Variants in TCERG1L observed in about 807,000 individuals in gnomAD.
The protein encoded by TCERG1L is transcription elongation regulator 1 like.
Under a neutral mutation model 56.3 loss-of-function variants are expected in TCERG1L, and 37 were observed. The ratio of observed to expected loss-of-function variants is 0.66; its 90% CI spans 0.51 to 0.87. The LOEUF (loss-of-function observed/expected upper bound fraction) is 0.87, where lower values mean the gene tolerates loss of function less well. TCERG1L is among the 40% of genes least tolerant of loss of function. TCERG1L has a pLI of 0.00. For missense variants in TCERG1L, 799 were observed against 774.2 expected (o/e 1.03, Z -0.38); for synonymous variants, 324 against 326.3 (o/e 0.99, Z 0.08).
rs756230007 is a variant in TCERG1L, at chr10:131,093,180, C to G, written c.1743G>C (p.Arg581Ser). ...LKKRDKENRL[R>S]LRKMR Reference sequence around the variant, plus strand: ...CACAAACTCATCTCATTTTCCGCAGCCTTAGTCTGTTTTCCTTGTCCCGTT... The same window carrying G: ...CACAAACTCATCTCATTTTCCGCAGGCTTAGTCTGTTTTCCTTGTCCCGTT... The change falls in exon 12 of 12, where the codon AGG (arginine) becomes AGC (serine). Residue 581 changes from arginine (R) to serine (S), a missense_variant. Transcript: ENST00000368642. 2.5e-6 allele frequency: 4 copies of G among 1,613,716 alleles called. No homozygotes were observed. Among genetic ancestry groups the G allele is most frequent in the Middle Eastern group, 1.6e-4 (1 of 6,062 alleles).
chr10:131,247,686 CTCTG>C (rs140074268), intron 4 of TCERG1L, among the ~76,000 whole-genome samples: 1,793 of 152,288 alleles, frequency 0.012, 36 homozygotes, highest in African/African-American at 0.037. Flanking sequence ...ACTTTCCCTT[CTCTG>C]TCCCCATCAT....
rs779565516 is a variant in TCERG1L at position 131,212,744 on chromosome 10, T to C, written c.857-45859A>G. Among the ~76,000 whole-genome samples the C allele has an allele frequency of 2.6e-5, 4 of 152,230 alleles. No individual in the cohort carries two copies. The South Asian group carries it at 8.3e-4, about 32-fold the overall frequency. ...GTGGCTAATAAAACAAAGAATTAAC[T>C]TGTGAATGCTAATAAGCAACCACAG... On this transcript the variant is annotated intron_variant, in intron 4 of 11. Transcript: ENST00000368642.
chr10:131,140,641 G>T (rs1441235335), intron 7 of TCERG1L, among the ~76,000 whole-genome samples: 1 of 152,214 alleles, frequency 6.6e-6, no homozygotes, highest in Non-Finnish European at 1.5e-5. Flanking sequence ...ACAGTGGGGG[G>T]TCCTCCTGCA....
chr10:131,095,236 C>CGT (rs1845231619), intron 11 of TCERG1L: 1 of 145,894 alleles, frequency 6.9e-6, no homozygotes, highest in Non-Finnish European at 1.5e-5. Context: ...CACCGGACGG[C>CGT]CAACCCCACC....
At position 131,311,654 on chromosome 10, in the gene TCERG1L, C is replaced by CGGCGGCGGCGGG. The variant is rs1846903182; in HGVS notation, c.-31_-20dup. On this transcript the variant is annotated 5_prime_UTR_variant, in exon 1 of 12. Transcript: ENST00000368642. The surrounding 1 kb of genome is among the most constrained non-coding windows in gnomAD (Gnocchi z 4.0). ...CCTGCATCCTACATCCCCGCGCTGACGGCGGCGGCGGGGGCGGCGGGCGCC... is the reference window on the plus strand; with the variant it reads ...CCTGCATCCTACATCCCCGCGCTGACGGCGGCGGCGGGGGCGGCGGCGGGGGCGGCGGGCGCC... 9.1e-7 allele frequency: 1 copy of CGGCGGCGGCGGG among 1,100,702 alleles called. No homozygotes were observed. The highest frequency in any genetic ancestry group is 1.1e-6 in the Non-Finnish European group (1 of 902,618). 68.2% of individuals were successfully genotyped at this position (1,100,702 alleles called of 1,614,324 possible).
At chr10:131,109,768 G>T (rs1018697518) in intron 9 of TCERG1L, among the ~76,000 whole-genome samples, 2 of 152,112 alleles carry the variant, frequency 1.3e-5, no homozygotes, top group African/African-American at 4.8e-5. Context: ...CCCTGGGCAC[G>T]CCGGCTGGAG....
chr10:131,229,638 G>A (rs755768846), intron 4 of TCERG1L, among the ~76,000 whole-genome samples: 1 of 151,902 alleles, frequency 6.6e-6, no homozygotes, highest in African/African-American at 2.4e-5. Context: ...AATAGCCCAA[G>A]ACACATAGAG....
intron 3 of TCERG1L, among the ~76,000 whole-genome samples, chr10:131,291,942 T>C (rs1363461539): frequency 2.6e-5 from 4 of 152,236 alleles, no homozygotes; most frequent in Non-Finnish European, 5.9e-5. Context: ...AATTACAGCA[T>C]CTAAATAACT....
At chr10:131,216,643 A>C (rs779100560) in intron 4 of TCERG1L, among the ~76,000 whole-genome samples, 6 of 152,196 alleles carry the variant, frequency 3.9e-5, no homozygotes, top group Admixed American at 6.5e-5. Context: ...ACAGAATTGG[A>C]GAGGGGATTA....
chr10:131,282,899 C>G (rs1415634739), intron 3 of TCERG1L, among the ~76,000 whole-genome samples: 1 of 152,196 alleles, frequency 6.6e-6, no homozygotes, highest in East Asian at 1.9e-4. Flanking sequence ...CATAACATTA[C>G]TTCTCATAAG....
chr10:131,288,618 G>T (rs1384307253), intron 3 of TCERG1L, among the ~76,000 whole-genome samples: 1 of 152,160 alleles, frequency 6.6e-6, no homozygotes, highest in Admixed American at 6.5e-5. Flanking sequence ...ACCTCGGAAC[G>T]GGCCCTTACT....
At chr10:131,236,195 T>C (rs138880524) in intron 4 of TCERG1L, among the ~76,000 whole-genome samples, 33 of 152,356 alleles carry the variant, frequency 2.2e-4, no homozygotes, top group African/African-American at 7.0e-4. Flanking sequence ...AGTGGGGACA[T>C]TGATCCTCCA....
At chr10:131,293,171 G>A (rs536197485) in intron 3 of TCERG1L, among the ~76,000 whole-genome samples, 12 of 152,152 alleles carry the variant, frequency 7.9e-5, no homozygotes, top group Middle Eastern at 3.4e-3. Context: ...TTTTAAAATC[G>A]TCAATGCCTG....
intron 3 of TCERG1L, among the ~76,000 whole-genome samples, chr10:131,276,964 GAA>G: frequency 6.6e-6 from 1 of 152,338 alleles, no homozygotes. Flanking sequence ...GAAATGCTCA[GAA>G]AAACATTTCT....
intron 7 of TCERG1L, among the ~76,000 whole-genome samples, chr10:131,140,408 G>A (rs143699510): frequency 2.6e-5 from 4 of 152,270 alleles, no homozygotes; most frequent in East Asian, 1.9e-4. Context: ...TACCCTACTC[G>A]CTCGGATCCT....
At chr10:131,265,605 C>T (rs1044712787) in intron 3 of TCERG1L, among the ~76,000 whole-genome samples, 3 of 152,154 alleles carry the variant, frequency 2.0e-5, no homozygotes, top group East Asian at 1.9e-4. Flanking sequence ...GCAAATATTG[C>T]GATAAAGAGA....
At chr10:131,094,900 G>T (rs920812483) in intron 11 of TCERG1L, among the ~76,000 whole-genome samples, 4 of 152,230 alleles carry the variant, frequency 2.6e-5, no homozygotes, top group African/African-American at 9.6e-5. Flanking sequence ...GGCTGGACAG[G>T]GGCAGCTGCT....
At chr10:131,203,835 G>A (rs567027033) in intron 4 of TCERG1L, among the ~76,000 whole-genome samples, 1 of 152,192 alleles carries the variant, frequency 6.6e-6, no homozygotes. Flanking sequence ...TCCTCCAAGT[G>A]GGGGGTGGGC....
At chr10:131,094,400 T>C (rs1198693119) in intron 11 of TCERG1L, among the ~76,000 whole-genome samples, 1 of 152,240 alleles carries the variant, frequency 6.6e-6, no homozygotes, top group Non-Finnish European at 1.5e-5. Context: ...CACGGAATTA[T>C]TGTGTTAAAT....
Sources: allele counts gnomAD v4.1 joint callset (sites outside exome capture counted in the v4.1 genomes callset), GRCh38; gene constraint gnomAD v4.1.1; non-coding constraint Gnocchi (gnomAD v3.1); transcripts MANE v1.5; gene names NCBI Gene and HGNC (gene_info 2026-07-23, HGNC 2026-07-21).